The following RCSD1 variants were observed in gnomAD, a reference collection of about 807,000 sequenced individuals.
RCSD1 encodes capZ-interacting protein.
A neutral mutation model predicts 42.5 loss-of-function variants in RCSD1; 26 were observed. The observed-to-expected ratio is 0.61, with a 90% confidence interval of 0.45 to 0.85. The LOEUF (loss-of-function observed/expected upper bound fraction) is 0.85. RCSD1 is among the 40% of genes least tolerant of loss of function. The pLI is 0.00. For missense variants in RCSD1, 571 were observed against 528.3 expected, an observed-to-expected ratio of 1.08 and a Z score of -0.79; for synonymous variants, 220 against 212.2, an observed-to-expected ratio of 1.04 and a Z score of -0.32.
chr1:167,633,209 A>T (rs1040867443), intron 1 of RCSD1, among the ~76,000 whole-genome samples: 1 of 152,228 alleles, frequency 6.6e-6, no homozygotes, highest in Non-Finnish European at 1.5e-5. Flanking sequence ...CAAAGTATAG[A>T]TGCCATCTGA....
chr1:167,681,080 C>A (rs577298049), intron 1 of RCSD1, among the ~76,000 whole-genome samples: 6 of 152,194 alleles, frequency 3.9e-5, no homozygotes, highest in Non-Finnish European at 7.4e-5. Flanking sequence ...AGCCACCAGC[C>A]CCGATTCATC....
At chr1:167,640,703 C>T (rs1657983897) in intron 1 of RCSD1, 2 of 152,344 alleles carry the variant, frequency 1.3e-5, no homozygotes, top group Admixed American at 6.5e-5. Flanking sequence ...GCGTGCACCA[C>T]CACACCCAGG....
chr1:167,683,196 A>G (rs1402020974), intron 1 of RCSD1, among the ~76,000 whole-genome samples: 1 of 152,208 alleles, frequency 6.6e-6, no homozygotes, highest in Non-Finnish European at 1.5e-5. Flanking sequence ...ACCCTTCCAA[A>G]GCATTTGCAA....
chr1:167,701,252 GTTTCTTTCTTTCTTTC>G (rs11446259), intron 6 of RCSD1, among the ~76,000 whole-genome samples: 1,330 of 96,128 alleles, frequency 0.014, 26 homozygotes, highest in African/African-American at 0.04. Context: ...CAATTGCCTA[GTTTCTTTCTTTCTTTC>G]TTTCTTTCTT....
In RCSD1 at chr1:167,705,061, G is replaced by GTC; in HGVS notation, c.*365_*366insTC. The GTC allele has an allele frequency of 8.7e-6, 1 of 115,084 alleles. No homozygotes were observed. Among genetic ancestry groups the GTC allele is most frequent in the Non-Finnish European group, 1.9e-5 (1 of 52,218 alleles). 7.1% of individuals were successfully genotyped at this position (115,084 alleles called of 1,614,324 possible). The stretch of plus-strand genomic sequence containing the variant: ...CCCACCTATCCCTGCAGCTAATTTA[G>GTC]CTGATCTCTAATTTAACTGAGCTCT... On this transcript the variant is annotated 3_prime_UTR_variant, in exon 7 of 7. Transcript: ENST00000367854.
chr1:167,693,051 G>A (rs1230706408), intron 4 of RCSD1, among the ~76,000 whole-genome samples: 1 of 152,166 alleles, frequency 6.6e-6, no homozygotes. Flanking sequence ...AAGGCCTGAA[G>A]GTCACACTGC....
In RCSD1 at chr1:167,632,156, G is replaced by A. The variant is rs1657717581; in HGVS notation, c.6+1727G>A. ...CTGGCCACTGCTTCAGGGCAGAGGAGGGAAATGGCCCAGGCAACACCCAGC... is the reference window on the plus strand; with the variant it reads ...CTGGCCACTGCTTCAGGGCAGAGGAAGGAAATGGCCCAGGCAACACCCAGC... On this transcript the variant is annotated intron_variant, in intron 1 of 6. Coordinates refer to ENST00000367854, the MANE Select transcript of RCSD1 (RefSeq NM_052862.4). Among the ~76,000 whole-genome samples the A allele has an allele frequency of 2.0e-5, 3 of 152,358 alleles. No homozygotes were observed. The South Asian group carries it at 6.2e-4, about 32-fold the overall frequency.
intron 5 of RCSD1, among the ~76,000 whole-genome samples, chr1:167,695,262 C>T (rs532462319): frequency 1.3e-5 from 2 of 152,288 alleles, no homozygotes; most frequent in Non-Finnish European, 2.9e-5. Context: ...CAGGGTGAGG[C>T]AGGGAGGGAG....
At chr1:167,639,073 C>A (rs1657938135) in intron 1 of RCSD1, among the ~76,000 whole-genome samples, 1 of 152,038 alleles carries the variant, frequency 6.6e-6, no homozygotes, top group African/African-American at 2.4e-5. Context: ...AAAAATTAGC[C>A]AGGCATGGTG....
chr1:167,648,361 G>A (rs1658216989), intron 1 of RCSD1, among the ~76,000 whole-genome samples: 2 of 152,212 alleles, frequency 1.3e-5, no homozygotes, highest in South Asian at 4.1e-4. Context: ...TTAGGTCAAA[G>A]GATATGAGTG....
chr1:167,701,243 A>G (rs1659629563), intron 6 of RCSD1, among the ~76,000 whole-genome samples: 2 of 139,786 alleles, frequency 1.4e-5, no homozygotes, highest in African/African-American at 5.1e-5. Flanking sequence ...CACTTAACCC[A>G]ATTGCCTAGT....
chr1:167,678,960 G>A (rs1659015746), intron 1 of RCSD1, among the ~76,000 whole-genome samples: 1 of 152,116 alleles, frequency 6.6e-6, no homozygotes, highest in African/African-American at 2.4e-5. Context: ...CATAAAATAA[G>A]TGCCCTGTTT....
intron 1 of RCSD1, among the ~76,000 whole-genome samples, chr1:167,681,955 T>C (rs74120626): frequency 0.021 from 3,240 of 152,252 alleles, 43 homozygotes; most frequent in African/African-American, 0.032. Context: ...CTCCTCGGCT[T>C]TCCCCCAGCA....
intron 5 of RCSD1, among the ~76,000 whole-genome samples, chr1:167,694,931 G>A (rs1351170424): frequency 6.6e-6 from 1 of 152,204 alleles, no homozygotes; most frequent in Non-Finnish European, 1.5e-5. Context: ...TAGGGGCCAA[G>A]CAGGTAGCCA....
intron 3 of RCSD1, among the ~76,000 whole-genome samples, chr1:167,686,902 G>A (rs1046808637): frequency 1.3e-5 from 2 of 152,200 alleles, no homozygotes; most frequent in African/African-American, 2.4e-5. Context: ...ACACCATACC[G>A]AATCATTTTT....
At position 167,690,886 on chromosome 1, in the gene RCSD1, A is replaced by G. The variant is rs114825711; in HGVS notation, c.270+766A>G. ...ATCCTGTCCAACCTCTCCACCAGTA[A>G]CCCTGTGTGCCCAGAGCCCTCACCT... On this transcript the variant is annotated intron_variant, in intron 4 of 6. Transcript: ENST00000367854. Among the ~76,000 whole-genome samples, 1,059 of 152,032 alleles carry G rather than the reference A, an allele frequency of 7.0e-3. 11 individuals carry two copies. The highest frequency in any genetic ancestry group is 0.024 in the African/African-American group (1,001 of 41,458).
At chr1:167,652,407 C>G (rs563987005) in intron 1 of RCSD1, among the ~76,000 whole-genome samples, 1 of 152,186 alleles carries the variant, frequency 6.6e-6, no homozygotes, top group East Asian at 1.9e-4. Context: ...AGGAACTGGG[C>G]CCTTTAAAGA....
chr1:167,705,069 CTAATTT>C lies in RCSD1; in HGVS notation c.*374_*379del, dbSNP rs770835557. Reference sequence around the variant, plus strand: ...TCCCTGCAGCTAATTTAGCTGATCTCTAATTTAACTGAGCTCTAATTTAGCTGATCA... The same window carrying C: ...TCCCTGCAGCTAATTTAGCTGATCTCAACTGAGCTCTAATTTAGCTGATCA... On this transcript the variant is annotated 3_prime_UTR_variant, in exon 7 of 7. Coordinates refer to ENST00000367854, the MANE Select transcript of RCSD1 (RefSeq NM_052862.4). 44,768 of 174,106 alleles carry C rather than the reference CTAATTT, an allele frequency of 0.26. 6,134 individuals are homozygous for C. The highest frequency in any genetic ancestry group is 0.33 in the Middle Eastern group (126 of 380). 10.8% of individuals were successfully genotyped at this position (174,106 alleles called of 1,614,324 possible).
Position 167,657,891 on chromosome 1 carries a change from GCACA to G in RCSD1, c.7-25988_7-25985del, listed in dbSNP as rs36021344. On this transcript the variant is annotated intron_variant, in intron 1 of 6. Coordinates refer to ENST00000367854, the MANE Select transcript of RCSD1 (RefSeq NM_052862.4). ...ACAAAATCAGTTCTAGTTTACTCAT[GCACA>G]CACACACACACACACACACATGCAC... is the stretch of plus-strand genomic sequence containing the variant. Among the ~76,000 whole-genome samples, 874 of 148,340 alleles carry G rather than the reference GCACA, an allele frequency of 5.9e-3. 6 individuals carry two copies. The highest frequency in any genetic ancestry group is 0.019 in the African/African-American group (786 of 40,540).
Sources: allele counts gnomAD v4.1 joint callset (sites outside exome capture counted in the v4.1 genomes callset), GRCh38; gene constraint gnomAD v4.1.1; transcripts MANE v1.5; gene names NCBI Gene and HGNC (gene_info 2026-07-23, HGNC 2026-07-21).